MYO9A: variants seen among roughly 807,000 people sequenced by gnomAD.
MYO9A encodes the protein unconventional myosin-IXa.
MYO9A carries 103 observed loss-of-function variants against 293.3 expected under a neutral mutation model. That is an observed-to-expected ratio of 0.35 (90% CI 0.30 to 0.41). The LOEUF is 0.41. MYO9A is among the 10% of genes least tolerant of loss of function. The pLI is 1.00. For synonymous variants in MYO9A, 1,001 were observed against 1,035.7 expected, an observed-to-expected ratio of 0.97 and a Z score of 0.64; for missense variants, 2,685 against 3,033.0, an observed-to-expected ratio of 0.89 and a Z score of 2.69.
At chr15:71,929,073 T>TAAAA (rs71133934) in intron 18 of MYO9A, among the ~76,000 whole-genome samples, 1 of 139,658 alleles carries the variant, frequency 7.2e-6, no homozygotes. Flanking sequence ...CTGTCTCTAT[T>TAAAA]AAAAAAAAAA....
intron 6 of MYO9A, among the ~76,000 whole-genome samples, chr15:72,016,340 T>C (rs182959429): frequency 2.0e-5 from 3 of 152,210 alleles, no homozygotes; most frequent in Admixed American, 2.0e-4. Context: ...TAGTTCCAAA[T>C]CCTCTGCTCT....
chr15:71,981,491 T>C (rs963047402), intron 11 of MYO9A, among the ~76,000 whole-genome samples: 7 of 152,256 alleles, frequency 4.6e-5, no homozygotes, highest in South Asian at 4.1e-4. Context: ...TTCTTCTATG[T>C]CAGTTTTGAA....
intron 32 of MYO9A, among the ~76,000 whole-genome samples, chr15:71,866,600 G>A (rs1359133810): frequency 1.3e-5 from 2 of 151,670 alleles, no homozygotes; most frequent in Non-Finnish European, 2.9e-5. Context: ...TTAATCAGAA[G>A]AAAAGATTCA....
chr15:72,060,944 G>A (rs551874905), intron 1 of MYO9A, among the ~76,000 whole-genome samples: 2 of 151,014 alleles, frequency 1.3e-5, no homozygotes, highest in East Asian at 3.9e-4. Flanking sequence ...TCTGCTTAAG[G>A]AGAGGAAAGA....
chr15:72,089,125 C>T (rs1484133727), intron 1 of MYO9A, among the ~76,000 whole-genome samples: 1 of 152,150 alleles, frequency 6.6e-6, no homozygotes, highest in African/African-American at 2.4e-5. Flanking sequence ...TGTCTTATTA[C>T]CTCAAGAGTC....
At chr15:71,877,142 C>G (rs1406090880) in intron 31 of MYO9A, among the ~76,000 whole-genome samples, 2 of 152,066 alleles carry the variant, frequency 1.3e-5, no homozygotes, top group Non-Finnish European at 2.9e-5. Context: ...ATTATTTCAT[C>G]TGGGGTACTG....
At chr15:71,853,545 T>C (rs2055744009) in intron 35 of MYO9A, among the ~76,000 whole-genome samples, 1 of 152,218 alleles carries the variant, frequency 6.6e-6, no homozygotes, top group African/African-American at 2.4e-5. Context: ...GTCATTGTTA[T>C]TATTTTCATA....
chr15:72,024,746 A>C (rs181076410), intron 4 of MYO9A, among the ~76,000 whole-genome samples: 8 of 152,306 alleles, frequency 5.3e-5, no homozygotes, highest in African/African-American at 1.9e-4. Flanking sequence ...ATACTATCAA[A>C]ATTAAGTTGT....
intron 4 of MYO9A, among the ~76,000 whole-genome samples, chr15:72,024,987 A>T (rs2077619889): frequency 6.6e-6 from 1 of 152,314 alleles, no homozygotes; most frequent in South Asian, 2.1e-4. Flanking sequence ...CTTATCAATA[A>T]TTACATTAAG....
chr15:71,925,208 CATGTGT>C (rs2058266118), intron 18 of MYO9A, among the ~76,000 whole-genome samples: 1 of 61,388 alleles, frequency 1.6e-5, no homozygotes, highest in African/African-American at 5.3e-5. Context: ...CACATATATA[CATGTGT>C]ATATATACAC....
At chr15:72,043,581 A>C (rs1301307868) in intron 2 of MYO9A, among the ~76,000 whole-genome samples, 2 of 152,350 alleles carry the variant, frequency 1.3e-5, no homozygotes, top group East Asian at 1.9e-4. Flanking sequence ...GGGAGAAGCC[A>C]AATATAAAAG....
At chr15:71,845,211 T>G (rs2055331924) in intron 39 of MYO9A, among the ~76,000 whole-genome samples, 1 of 152,208 alleles carries the variant, frequency 6.6e-6, no homozygotes, top group Non-Finnish European at 1.5e-5. Context: ...TTGTGTGGTA[T>G]TATAACTAGG....
intron 4 of MYO9A, among the ~76,000 whole-genome samples, chr15:72,021,393 T>C (rs1006887019): frequency 1.2e-4 from 18 of 152,166 alleles, no homozygotes; most frequent in African/African-American, 3.6e-4. Flanking sequence ...TCAATAAAAA[T>C]GGCTTTGTAG....
intron 2 of MYO9A, among the ~76,000 whole-genome samples, chr15:72,035,706 G>A (rs2078024433): frequency 6.6e-6 from 1 of 152,174 alleles, no homozygotes; most frequent in African/African-American, 2.4e-5. Flanking sequence ...TCTGGAGGCT[G>A]AGGTGGGAAG....
chr15:71,851,976 T>C (rs1388052419), intron 36 of MYO9A, among the ~76,000 whole-genome samples, 156 bp downstream of exon 36: 1 of 152,240 alleles, frequency 6.6e-6, no homozygotes, highest in Non-Finnish European at 1.5e-5. Context: ...TTTGAATAGG[T>C]GACAGTATAC....
intron 19 of MYO9A, among the ~76,000 whole-genome samples, chr15:71,905,667 G>A (rs572418385): frequency 1.2e-3 from 179 of 145,276 alleles, no homozygotes; most frequent in South Asian, 7.9e-3. Flanking sequence ...CCCGGCTGAG[G>A]CATGAGAATT....
intron 1 of MYO9A, among the ~76,000 whole-genome samples, chr15:72,074,663 G>A (rs1450345788): frequency 2.0e-5 from 3 of 152,218 alleles, no homozygotes; most frequent in Non-Finnish European, 4.4e-5. Context: ...TCTAGGGGTA[G>A]ACTCGGAGGG....
In MYO9A at chr15:71,883,680, G is replaced by A; in HGVS notation, c.5312C>T (p.Thr1771Ile). 1 of 1,613,444 alleles carries A rather than the reference G, an allele frequency of 6.2e-7. No individual in the cohort carries two copies. The highest frequency in any genetic ancestry group is 8.5e-7 in the Non-Finnish European group (1 of 1,179,622). The change falls in exon 28 of 42, where the codon ACT becomes ATT. Residue 1771 changes from threonine (T) to isoleucine (I), a missense_variant. By Grantham distance (89) the Thr-to-Ile change is moderately conservative. Transcript: ENST00000356056. ...CTGGGTAGTAGGTTTCACTCTGGTA[G>A]TCTTCTTCTCCCCTTGTTTCCCTTT... ...WAKGKQGEKK[T>I]TRVKPTTQSE...
At chr15:71,955,937 A>T (rs966457004) in intron 14 of MYO9A, among the ~76,000 whole-genome samples, 1 of 152,128 alleles carries the variant, frequency 6.6e-6, no homozygotes, top group Admixed American at 6.5e-5. Context: ...AAATGGAATG[A>T]TACAATATTC....
Sources: gnomAD v4.1 joint callset for allele counts (sites outside exome capture counted in the v4.1 genomes callset) on GRCh38, gnomAD v4.1.1 for gene constraint, MANE v1.5 for transcripts, NCBI Gene and HGNC (gene_info 2026-07-23, HGNC 2026-07-21) for gene names.